ITGA9: variants seen among roughly 807,000 people sequenced by gnomAD.
The protein encoded by ITGA9 is integrin subunit alpha 9.
In ITGA9, 56 loss-of-function variants were observed where a neutral mutation model predicts 127.8. That is an observed-to-expected ratio of 0.44 (90% confidence interval 0.35 to 0.55). ITGA9 has a LOEUF of 0.55. ITGA9 is among the 20% of genes least tolerant of loss of function. The pLI is 0.00. For synonymous variants in ITGA9, 508 were observed against 514.5 expected, an observed-to-expected ratio of 0.99 and a Z score of 0.17; for missense variants, 1,196 against 1,347.1, an observed-to-expected ratio of 0.89 and a Z score of 1.76.
At chr3:37,795,343 G>A (rs1424004877) in intron 26 of ITGA9, among the ~76,000 whole-genome samples, 1 of 152,168 alleles carries the variant, frequency 6.6e-6, no homozygotes, top group African/African-American at 2.4e-5. Flanking sequence ...ATTGCCAGCT[G>A]TTACAGTAGG....
chr3:37,623,996 G>A (rs1453434913), intron 15 of ITGA9, among the ~76,000 whole-genome samples: 1 of 152,016 alleles, frequency 6.6e-6, no homozygotes, highest in Non-Finnish European at 1.5e-5. Flanking sequence ...ATGGAGGATG[G>A]AGGGGATAAA....
intron 15 of ITGA9, among the ~76,000 whole-genome samples, chr3:37,567,944 G>A (rs1387962463): frequency 6.6e-6 from 1 of 152,134 alleles, no homozygotes; most frequent in African/African-American, 2.4e-5. Context: ...TCTAGGGTCT[G>A]GAGGATGGGG....
chr3:37,546,223 T>C (rs1406185519), intron 15 of ITGA9, among the ~76,000 whole-genome samples: 2 of 152,176 alleles, frequency 1.3e-5, no homozygotes, highest in South Asian at 2.1e-4. Flanking sequence ...CTGGATTTCA[T>C]TGTTTGTCAA....
chr3:37,819,000 C>G lies in ITGA9; in HGVS notation c.*11C>G. On this transcript the variant is annotated 3_prime_UTR_variant, in exon 28 of 28. Coordinates refer to ENST00000264741, the MANE Select transcript of ITGA9 (RefSeq NM_002207.3). ...CAGAAAAACCAGTGAGCTGCCACAC[C>G]AGTCACATGACCTGATCACTAGCCT... 6.4e-7 allele frequency: 1 copy of G among 1,560,094 alleles called. No homozygotes were observed. Among genetic ancestry groups the G allele is most frequent in the Non-Finnish European group, 8.8e-7 (1 of 1,130,722 alleles).
chr3:37,694,079 C>T (rs1700859447), intron 18 of ITGA9, among the ~76,000 whole-genome samples: 1 of 152,232 alleles, frequency 6.6e-6, no homozygotes. Context: ...CCCAAGCCCC[C>T]TGGTGACTTT....
chr3:37,593,481 C>A (rs891143529), intron 15 of ITGA9, among the ~76,000 whole-genome samples: 1 of 152,202 alleles, frequency 6.6e-6, no homozygotes, highest in Admixed American at 6.5e-5. Context: ...ATCAAGGTGC[C>A]AGCATAGTTG....
At chr3:37,789,168 G>A (rs532358523) in intron 26 of ITGA9, among the ~76,000 whole-genome samples, 2 of 152,206 alleles carry the variant, frequency 1.3e-5, no homozygotes, top group East Asian at 1.9e-4. Context: ...TCAGCCTTAC[G>A]AGTCAGGAAA....
intron 18 of ITGA9, among the ~76,000 whole-genome samples, chr3:37,700,848 T>C (rs1700938576): frequency 6.6e-6 from 1 of 152,246 alleles, no homozygotes; most frequent in Admixed American, 6.5e-5. Context: ...AATTTTTAAG[T>C]AGTGTTAAAA....
intron 16 of ITGA9, among the ~76,000 whole-genome samples, chr3:37,640,460 A>G (rs1249515396): frequency 6.6e-6 from 1 of 152,148 alleles, no homozygotes; most frequent in Non-Finnish European, 1.5e-5. Flanking sequence ...ACACAGAACC[A>G]GGTGCTTCCA....
rs1370290357 is a variant in ITGA9 at position 37,519,370 on chromosome 3, G to A, written c.1236+16G>A. 1.3e-6 allele frequency: 2 copies of A among 1,577,632 alleles called. No homozygotes were observed. Among genetic ancestry groups the A allele is most frequent in the Admixed American group, 1.7e-5 (1 of 59,870 alleles). ...GTACTCAATGGTAATTAGTGTGAGA[G>A]TGATATGGCAACTGTTCATACATTC... is the stretch of plus-strand genomic sequence containing the variant. On this transcript the variant is annotated intron_variant, in intron 11 of 27. Coordinates refer to ENST00000264741, the MANE Select transcript of ITGA9 (RefSeq NM_002207.3).
chr3:37,566,096 T>A (rs1205502420), intron 15 of ITGA9, among the ~76,000 whole-genome samples: 2 of 152,232 alleles, frequency 1.3e-5, no homozygotes, highest in African/African-American at 4.8e-5. Flanking sequence ...TTAAGATTCA[T>A]AAGAAGTTAT....
intron 26 of ITGA9, among the ~76,000 whole-genome samples, chr3:37,797,456 CTA>C (rs1559601741): frequency 1.3e-5 from 2 of 152,140 alleles, no homozygotes; most frequent in African/African-American, 2.4e-5. Flanking sequence ...TTGAAAATCA[CTA>C]TGTTTCCAAG....
chr3:37,576,563 C>G (rs920486808), intron 15 of ITGA9, among the ~76,000 whole-genome samples: 4 of 152,128 alleles, frequency 2.6e-5, no homozygotes, highest in Admixed American at 2.6e-4. Context: ...CTCCATGGAG[C>G]ATGACAGGCA....
chr3:37,673,569 C>G (rs568203914), intron 17 of ITGA9, among the ~76,000 whole-genome samples: 3 of 152,350 alleles, frequency 2.0e-5, no homozygotes, highest in South Asian at 4.1e-4. Flanking sequence ...ACAACACCTC[C>G]TCCCTCAGTC....
At chr3:37,754,327 G>C (rs1303629924) in intron 23 of ITGA9, among the ~76,000 whole-genome samples, 2 of 152,178 alleles carry the variant, frequency 1.3e-5, no homozygotes, top group Admixed American at 6.5e-5. Flanking sequence ...TCTCACACTG[G>C]AGGAGAAGGC....
intron 16 of ITGA9, among the ~76,000 whole-genome samples, chr3:37,631,231 A>G (rs1402227278): frequency 6.6e-6 from 1 of 152,188 alleles, no homozygotes; most frequent in Non-Finnish European, 1.5e-5. Flanking sequence ...TGACCCAGTG[A>G]GGTAGTCATC....
Position 37,820,542 on chromosome 3 carries a change from T to TA in ITGA9, c.*1554dup, listed in dbSNP as rs1382053846. The stretch of plus-strand genomic sequence containing the variant: ...TCCAAGCTCTCTGTTTGACAGTAGA[T>TA]ATATTGTCAGATGCACTGTGCTGCT... On this transcript the variant is annotated 3_prime_UTR_variant, in exon 28 of 28. Transcript: ENST00000264741. 6.6e-6 allele frequency: 1 copy of TA among 152,278 alleles called. No individual in the cohort carries two copies. Among genetic ancestry groups the TA allele is most frequent in the African/African-American group, 2.4e-5 (1 of 41,440 alleles). The allele number at this position is 152,278 out of a possible 1,614,324, so 9.4% of individuals were successfully genotyped here. A position where few individuals can be genotyped will look rare whatever the true frequency, so the allele number is the denominator to read the frequency against.
At chr3:37,556,317 C>A (rs80229521) in intron 15 of ITGA9, among the ~76,000 whole-genome samples, 1 of 152,210 alleles carries the variant, frequency 6.6e-6, no homozygotes, top group Non-Finnish European at 1.5e-5. Flanking sequence ...CCCTGCAAAT[C>A]TTTTCCTCTT....
chr3:37,680,553 C>A (rs1015659291), intron 17 of ITGA9, among the ~76,000 whole-genome samples: 3 of 152,144 alleles, frequency 2.0e-5, no homozygotes, highest in African/African-American at 7.2e-5. Context: ...TGATCCCTTA[C>A]CCTTTACATA....
Sources: gnomAD v4.1 joint callset for allele counts (sites outside exome capture counted in the v4.1 genomes callset) on GRCh38, gnomAD v4.1.1 for gene constraint, MANE v1.5 for transcripts, NCBI Gene and HGNC (gene_info 2026-07-23, HGNC 2026-07-21) for gene names.